Variants in LGI2 observed in about 807,000 individuals in gnomAD.
LGI2 encodes leucine rich repeat LGI family member 2, also known as leucine-rich repeat LGI family member 2.
In LGI2, 30 loss-of-function variants were observed where a neutral mutation model predicts 52.0. The observed-to-expected ratio is 0.58, with a 90% CI of 0.43 to 0.78. The LOEUF (loss-of-function observed/expected upper bound fraction) is 0.78, where lower values mean the gene tolerates loss of function less well. Ranked by LOEUF, LGI2 falls within the 30% of genes least tolerant of loss-of-function variation. LGI2 has a pLI of 0.00. For missense variants in LGI2, 573 were observed against 692.5 expected (o/e 0.83, Z 1.94); for synonymous variants, 270 against 271.8 (o/e 0.99, Z 0.06).
intron 6 of LGI2, among the ~76,000 whole-genome samples, 193 bp downstream of exon 6, chr4:25,017,796 A>G (rs1310305263): frequency 6.6e-6 from 1 of 152,220 alleles, no homozygotes; most frequent in Non-Finnish European, 1.5e-5. Context: ...GGCAGTTAAC[A>G]AAAATTCTCC....
intron 6 of LGI2, among the ~76,000 whole-genome samples, chr4:25,017,370 C>T (rs1374628891): frequency 2.6e-5 from 4 of 151,378 alleles, no homozygotes; most frequent in African/African-American, 7.3e-5. Context: ...GGTGAAACCC[C>T]GTCTCTACTA....
At chr4:25,011,955 G>C (rs1051839332) in intron 7 of LGI2, among the ~76,000 whole-genome samples, 1 of 152,144 alleles carries the variant, frequency 6.6e-6, no homozygotes, top group Non-Finnish European at 1.5e-5. Flanking sequence ...TAGCATATTG[G>C]TTAACAATCA....
At chr4:25,015,806 G>T (rs950508601) in intron 6 of LGI2, among the ~76,000 whole-genome samples, 5 of 151,060 alleles carry the variant, frequency 3.3e-5, no homozygotes, top group Non-Finnish European at 7.4e-5. Flanking sequence ...AAAATTTGTT[G>T]ACCTAGTTCT....
rs1725168937 is a variant in LGI2 at position 24,999,369 on chromosome 4, TTTG to T, written c.*4079_*4081del. 1.3e-5 allele frequency: 2 copies of T among 152,606 alleles called. No homozygotes were observed. The highest frequency in any genetic ancestry group is 2.9e-5 in the Non-Finnish European group (2 of 68,394). The allele number at this position is 152,606 out of a possible 1,614,324, so 9.5% of individuals were successfully genotyped here. ...TCATCCTTTTTTCCTTTTCTTTCAGTTTGTTTTTACTTTCCCAAGTTTCCTCCA... is the reference window on the plus strand; with the variant it reads ...TCATCCTTTTTTCCTTTTCTTTCAGTTTTTTACTTTCCCAAGTTTCCTCCA... On this transcript the variant is annotated 3_prime_UTR_variant, in exon 8 of 8. Coordinates refer to ENST00000382114, the MANE Select transcript of LGI2 (RefSeq NM_018176.4).
intron 2 of LGI2, 35 bp downstream of exon 2, chr4:25,028,472 C>T (rs538468585): frequency 6.3e-7 from 1 of 1,590,390 alleles, no homozygotes; most frequent in Non-Finnish European, 8.6e-7. Context: ...CACCTCAGGG[C>T]CCCCCATTGT....
chr4:25,012,007 G>A lies in LGI2; in HGVS notation c.820+328C>T, dbSNP rs144772510. On this transcript the variant is annotated intron_variant, in intron 7 of 7. Transcript: ENST00000382114. Reference sequence around the variant, plus strand: ...AGCATCATTTAGCTGCTACAAAGCTGGTGCAGACTTGGGCTCCCATACTGC... The same window carrying A: ...AGCATCATTTAGCTGCTACAAAGCTAGTGCAGACTTGGGCTCCCATACTGC... Among the ~76,000 whole-genome samples, 752 of 152,272 alleles carry A rather than the reference G, an allele frequency of 4.9e-3. 8 individuals carry two copies. The highest frequency in any genetic ancestry group is 9.8e-3 in the Admixed American group (150 of 15,286).
At chr4:25,022,713 T>C (rs1268375551) in intron 4 of LGI2, among the ~76,000 whole-genome samples, 3 of 152,198 alleles carry the variant, frequency 2.0e-5, no homozygotes, top group African/African-American at 7.2e-5. Context: ...GGACACTTTG[T>C]ACACCTGCAC....
chr4:25,012,923 C>G (rs1371442935), intron 6 of LGI2, among the ~76,000 whole-genome samples: 1 of 152,222 alleles, frequency 6.6e-6, no homozygotes, highest in Non-Finnish European at 1.5e-5. Flanking sequence ...ACTTCCAGCT[C>G]TCTCAGAACA....
At chr4:25,009,646 G>GT (rs1725512852) in intron 7 of LGI2, among the ~76,000 whole-genome samples, 2 of 151,756 alleles carry the variant, frequency 1.3e-5, no homozygotes. Context: ...GTTTTGTTTT[G>GT]TTTTTTTGAG....
chr4:25,001,408 C>A lies in LGI2; in HGVS notation c.*2043G>T, dbSNP rs1382689547. The A allele has an allele frequency of 6.6e-6, 1 of 152,148 alleles. No homozygotes were observed. Among genetic ancestry groups the A allele is most frequent in the Non-Finnish European group, 1.5e-5 (1 of 68,042 alleles). The allele number at this position is 152,148 out of a possible 1,614,324, so 9.4% of individuals were successfully genotyped here. ...ATATCTCCTACAGTTTGCCAAGTACCCATTTTTCTGCCCAGGTTTATCTGA... is the reference window on the plus strand; with the variant it reads ...ATATCTCCTACAGTTTGCCAAGTACACATTTTTCTGCCCAGGTTTATCTGA... On this transcript the variant is annotated 3_prime_UTR_variant, in exon 8 of 8. Coordinates refer to ENST00000382114, the MANE Select transcript of LGI2 (RefSeq NM_018176.4).
chr4:24,998,128 G>C (rs1725136193), downstream of LGI2, among the ~76,000 whole-genome samples: 2 of 152,096 alleles, frequency 1.3e-5, no homozygotes, highest in Non-Finnish European at 2.9e-5. Flanking sequence ...CTCCCACCTT[G>C]GCTTATCAAA....
chr4:25,020,139 C>T (rs549020139), intron 4 of LGI2, among the ~76,000 whole-genome samples: 2 of 152,306 alleles, frequency 1.3e-5, no homozygotes, highest in South Asian at 2.1e-4. Flanking sequence ...TCAGCTCTAA[C>T]CTTTAAGAAT....
chr4:25,011,395 A>T (rs1245526868), intron 7 of LGI2, among the ~76,000 whole-genome samples: 1 of 152,166 alleles, frequency 6.6e-6, no homozygotes, highest in Non-Finnish European at 1.5e-5. Context: ...TGGCCAGCTC[A>T]TCTGAAATGG....
At chr4:25,025,946 A>G (rs1408554131) in intron 3 of LGI2, among the ~76,000 whole-genome samples, 1 of 152,212 alleles carries the variant, frequency 6.6e-6, no homozygotes, top group African/African-American at 2.4e-5. Flanking sequence ...GACCTTAGTC[A>G]GATTTAGCAT....
At position 25,026,880 on chromosome 4, in the gene LGI2, T is replaced by C. The variant is rs1180858641; in HGVS notation, c.329A>G (p.His110Arg). The change falls in exon 3 of 8, where the codon CAT becomes CGT. Residue 110 changes from histidine to arginine, a missense_variant. Coordinates refer to ENST00000382114, the MANE Select transcript of LGI2 (RefSeq NM_018176.4). The part of the protein sequence containing the change: ...IRDDAFAGLF[H>R]LEYLFIEGNK... ...GCACAAAACTTACAGGTATTCAAGA[T>C]GAAAAAGTCCAGCAAAAGCATCATC... 1 of 1,612,448 alleles carries C rather than the reference T, an allele frequency of 6.2e-7. No homozygotes were observed. The highest frequency in any genetic ancestry group is 1.3e-5 in the African/African-American group (1 of 74,846).
At chr4:25,024,380 G>A (rs534925012) in intron 4 of LGI2, among the ~76,000 whole-genome samples, 1 of 152,324 alleles carries the variant, frequency 6.6e-6, no homozygotes, top group Admixed American at 6.5e-5. Context: ...CAGGCATAGT[G>A]GTGTGTACCT....
At chr4:25,007,285 A>C (rs1274364116) in intron 7 of LGI2, among the ~76,000 whole-genome samples, 1 of 152,180 alleles carries the variant, frequency 6.6e-6, no homozygotes, top group African/African-American at 2.4e-5. Flanking sequence ...AGTGTTCTCA[A>C]GTGTAAGAAT....
At chr4:25,012,292 T>C in intron 7 of LGI2, 43 bp downstream of exon 7, 1 of 1,608,240 alleles carries the variant, frequency 6.2e-7, no homozygotes, top group South Asian at 1.1e-5. Context: ...CTTGCCGCAA[T>C]GCTGAAATTA....
At chr4:25,019,880 A>G (rs1725900050) in intron 4 of LGI2, among the ~76,000 whole-genome samples, 1 of 152,184 alleles carries the variant, frequency 6.6e-6, no homozygotes, top group African/African-American at 2.4e-5. Context: ...CCTCTACATA[A>G]GCCACATGAG....
Sources: allele counts gnomAD v4.1 joint callset (sites outside exome capture counted in the v4.1 genomes callset), GRCh38; gene constraint gnomAD v4.1.1; transcripts MANE v1.5; gene names NCBI Gene and HGNC (gene_info 2026-07-23, HGNC 2026-07-21).